COQ8A: variants seen among roughly 807,000 people sequenced by gnomAD.
COQ8A encodes the protein atypical kinase COQ8A, mitochondrial.
COQ8A carries 51 observed loss-of-function variants against 65.0 expected under a neutral mutation model. That is an observed-to-expected ratio of 0.78 (90% confidence interval 0.63 to 0.99). The LOEUF is 0.99. Ranked by LOEUF, COQ8A falls within the 50% of genes least tolerant of loss-of-function variation. The pLI is 0.00. For missense variants in COQ8A, 940 were observed against 875.0 expected, an observed-to-expected ratio of 1.07 and a Z score of -0.94; for synonymous variants, 371 against 353.2, an observed-to-expected ratio of 1.05 and a Z score of -0.57.
At chr1:226,964,868 A>G in intron 2 of COQ8A, 132 bp from the exon 3 acceptor site, 1 of 1,046,066 alleles carries the variant, frequency 9.6e-7, no homozygotes, top group Non-Finnish European at 1.4e-6. Flanking sequence ...CCTCAGGTGC[A>G]GCACTGTGCC....
chr1:226,947,003 T>G (rs1018407721), intron 1 of COQ8A, among the ~76,000 whole-genome samples: 2 of 152,200 alleles, frequency 1.3e-5, no homozygotes, highest in African/African-American at 4.8e-5. Context: ...TGCTGAGAAT[T>G]GTGATACCCT....
At chr1:226,985,855 G>T (rs985909903) in intron 14 of COQ8A, among the ~76,000 whole-genome samples, 1 of 152,184 alleles carries the variant, frequency 6.6e-6, no homozygotes, top group Non-Finnish European at 1.5e-5. Context: ...GTCATTTGAG[G>T]CTTGTCAGTA....
At chr1:226,985,572 G>A (rs890396679) in intron 14 of COQ8A, among the ~76,000 whole-genome samples, 1 of 152,212 alleles carries the variant, frequency 6.6e-6, no homozygotes, top group African/African-American at 2.4e-5. Context: ...TCTTGTTTCT[G>A]CCTCTCACTC....
intron 1 of COQ8A, among the ~76,000 whole-genome samples, chr1:226,956,414 GCTCTCCCTGATTCACA>G (rs1657763782): frequency 2.9e-5 from 3 of 105,258 alleles, no homozygotes; most frequent in South Asian, 6.9e-4. Flanking sequence ...CCTGGTTCCC[GCTCTCCCTGATTCACA>G]CTCTCCCTGG....
Position 226,984,890 on chromosome 1 carries a change from T to A in COQ8A, c.1521T>A (p.Asp507Glu), listed in dbSNP as rs1468482530. The A allele has an allele frequency of 6.2e-7, 1 of 1,614,096 alleles. No homozygotes were observed. Among genetic ancestry groups the A allele is most frequent in the Admixed American group, 1.7e-5 (1 of 60,006 alleles). The change falls in exon 13 of 15, where the codon GAT becomes GAA. Residue 507 changes from aspartate to glutamate, a missense_variant. By Grantham distance (45) the Asp-to-Glu change is conservative (BLOSUM62 2). Coordinates refer to ENST00000366777, the MANE Select transcript of COQ8A (RefSeq NM_020247.5). ...DPQQHKVALL[D>E]FGATREYDRS... ...TCTGTCCCCAGGTGGCTCTTTTGGA[T>A]TTTGGGGCAACGCGGGAATATGACA...
At chr1:226,945,819 T>A (rs1657005637) in intron 1 of COQ8A, among the ~76,000 whole-genome samples, 1 of 152,256 alleles carries the variant, frequency 6.6e-6, no homozygotes. Flanking sequence ...GCAGTAGCAG[T>A]GACTGCGTCC....
chr1:226,950,924 G>A (rs905420697), intron 1 of COQ8A, among the ~76,000 whole-genome samples: 1 of 152,174 alleles, frequency 6.6e-6, no homozygotes, highest in Non-Finnish European at 1.5e-5. Context: ...TAGCCTAGAA[G>A]GCAAGTTGAG....
At position 226,946,590 on chromosome 1, in the gene COQ8A, C is replaced by G. The variant is rs1465146956; in HGVS notation, c.-10+6191C>G. On this transcript the variant is annotated intron_variant, in intron 1 of 14. Transcript: ENST00000366777. The surrounding 1 kb of genome is among the most constrained non-coding windows in gnomAD (Gnocchi z 5.3). The stretch of plus-strand genomic sequence containing the variant: ...GTGGTCCCCTTGCACCCTGCTGAGC[C>G]TCTTCTCATTTCTCGTTGCGTGTGT... Among the ~76,000 whole-genome samples the G allele has an allele frequency of 1.3e-5, 2 of 152,148 alleles. No homozygotes were observed. Among genetic ancestry groups the G allele is most frequent in the Non-Finnish European group, 2.9e-5 (2 of 68,020 alleles).
intron 11 of COQ8A, 103 bp from the exon 12 acceptor site, chr1:226,984,445 G>A (rs1392733092): frequency 7.7e-7 from 1 of 1,298,742 alleles, no homozygotes; most frequent in Non-Finnish European, 1.1e-6. Flanking sequence ...AGTCCCTAGG[G>A]TAGGGTGGGT....
chr1:226,950,152 C>T (rs1314377630), intron 1 of COQ8A, among the ~76,000 whole-genome samples: 1 of 152,090 alleles, frequency 6.6e-6, no homozygotes, highest in Non-Finnish European at 1.5e-5. Context: ...TGCTTGGGAC[C>T]CTCTGTTGCC....
chr1:226,965,480 T>C (rs1304011978), intron 3 of COQ8A, 70 bp downstream of exon 3: 1 of 1,571,156 alleles, frequency 6.4e-7, no homozygotes, highest in African/African-American at 1.3e-5. Context: ...TGGGCTCTGC[T>C]CTAGGGACTT....
chr1:226,957,077 C>T (rs1274915348), intron 1 of COQ8A, among the ~76,000 whole-genome samples: 1 of 150,160 alleles, frequency 6.7e-6, no homozygotes, highest in East Asian at 2.0e-4. Context: ...CTCTCCCTGG[C>T]TGCCACTCCC....
At chr1:226,962,893 A>T (rs921662043) in intron 2 of COQ8A, among the ~76,000 whole-genome samples, 8 of 152,226 alleles carry the variant, frequency 5.3e-5, no homozygotes, top group African/African-American at 1.9e-4. Context: ...TGCAGGACTC[A>T]TAACGAGTGA....
chr1:226,982,531 G>A, intron 6 of COQ8A, 147 bp from the exon 7 acceptor site: 2 of 888,364 alleles, frequency 2.3e-6, no homozygotes, highest in Non-Finnish European at 3.6e-6. Context: ...GAGGGCGTGT[G>A]TGCGAGGGCT....
At chr1:226,973,828 A>G (rs1176250598) in intron 4 of COQ8A, among the ~76,000 whole-genome samples, 1 of 152,246 alleles carries the variant, frequency 6.6e-6, no homozygotes, top group Non-Finnish European at 1.5e-5. Context: ...TGGATGCCTC[A>G]GTAAAAGCTG....
chr1:226,950,258 G>T (rs1483380258), intron 1 of COQ8A, among the ~76,000 whole-genome samples: 1 of 152,150 alleles, frequency 6.6e-6, no homozygotes, highest in Non-Finnish European at 1.5e-5. Context: ...GCCTTCTGCT[G>T]CTTTTATATC....
chr1:226,954,068 G>C (rs1005788585), intron 1 of COQ8A, among the ~76,000 whole-genome samples: 9 of 152,248 alleles, frequency 5.9e-5, no homozygotes, highest in Non-Finnish European at 1.0e-4. Context: ...TGGCTGGGAG[G>C]GGGGCAGAAG....
chr1:226,984,438 C>A, intron 11 of COQ8A, 110 bp from the exon 12 acceptor site: 1 of 1,288,654 alleles, frequency 7.8e-7, no homozygotes, highest in Non-Finnish European at 1.1e-6. Flanking sequence ...ATCAAACAGT[C>A]CCTAGGGTAG....
rs1658497704 is a variant in COQ8A, at chr1:226,965,332, TG to T, written c.515del (p.Gly172AlafsTer37). On this transcript the variant is annotated frameshift_variant, in exon 3 of 15. Transcript: ENST00000366777. LOFTEE classifies it high-confidence loss of function. ...RFFHQDQSPV[G>X]GLTAEDIEKA... Reference sequence around the variant, plus strand: ...TCTTCCACCAGGACCAATCCCCTGTTGGGGGCCTCACAGCCGAGGACATTGA... The same window carrying T: ...TCTTCCACCAGGACCAATCCCCTGTTGGGGCCTCACAGCCGAGGACATTGA... The T allele has an allele frequency of 6.2e-7, 1 of 1,613,384 alleles. No individual in the cohort carries two copies. Among genetic ancestry groups the T allele is most frequent in the Non-Finnish European group, 8.5e-7 (1 of 1,179,946 alleles).
Sources: allele counts gnomAD v4.1 joint callset (sites outside exome capture counted in the v4.1 genomes callset), GRCh38; gene constraint gnomAD v4.1.1; non-coding constraint Gnocchi (gnomAD v3.1); transcripts MANE v1.5; gene names NCBI Gene and HGNC (gene_info 2026-07-23, HGNC 2026-07-21).